Variants in CTTNBP2NL observed in about 807,000 individuals in gnomAD.
The protein encoded by CTTNBP2NL is CTTNBP2 N-terminal-like protein.
CTTNBP2NL carries 16 observed loss-of-function variants against 32.5 expected under a neutral mutation model. The ratio of observed to expected loss-of-function variants is 0.49; its 90% CI spans 0.33 to 0.75. The LOEUF (loss-of-function observed/expected upper bound fraction) is 0.75. CTTNBP2NL is among the 30% of genes least tolerant of loss of function. The pLI is 0.02. For missense variants in CTTNBP2NL, 645 were observed against 756.0 expected (o/e 0.85, Z 1.72); for synonymous variants, 298 against 289.4 (o/e 1.03, Z -0.30).
In CTTNBP2NL at chr1:112,457,490, A is replaced by G. The variant is rs1650407993; in HGVS notation, c.*78A>G. ...CTCAGTCAGACTTCTGAGTCAGATT[A>G]TGTTATTTATTTTGATAGTAGCTGA... On this transcript the variant is annotated 3_prime_UTR_variant, in exon 6 of 6. Coordinates refer to ENST00000271277, the MANE Select transcript of CTTNBP2NL (RefSeq NM_018704.3). The G allele has an allele frequency of 3.2e-6, 4 of 1,248,760 alleles. No individual in the cohort carries two copies. Among genetic ancestry groups the G allele is most frequent in the Admixed American group, 2.2e-5 (1 of 44,774 alleles). The allele number at this position is 1,248,760 out of a possible 1,614,324, so 77.4% of individuals were successfully genotyped here. A position where few individuals can be genotyped will look rare whatever the true frequency, so the allele number is the denominator to read the frequency against.
At chr1:112,426,623 T>G (rs1649409877) in intron 3 of CTTNBP2NL, among the ~76,000 whole-genome samples, 1 of 151,270 alleles carries the variant, frequency 6.6e-6, no homozygotes, top group South Asian at 2.1e-4. Flanking sequence ...TTTTTTTTTT[T>G]TTGAGACGGA....
At chr1:112,407,507 A>G (rs561657646) in intron 1 of CTTNBP2NL, among the ~76,000 whole-genome samples, 1 of 152,244 alleles carries the variant, frequency 6.6e-6, no homozygotes, top group Non-Finnish European at 1.5e-5. Flanking sequence ...AACACCAGTC[A>G]TATTGGATTA....
At chr1:112,415,873 T>G in intron 2 of CTTNBP2NL, 1 of 324,212 alleles carries the variant, frequency 3.1e-6, no homozygotes, top group Non-Finnish European at 5.7e-6. Context: ...TAATTCTTTC[T>G]GAGATTTCCT....
chr1:112,392,762 G>A (rs1360699657), upstream of CTTNBP2NL, among the ~76,000 whole-genome samples: 1 of 152,140 alleles, frequency 6.6e-6, no homozygotes, highest in African/African-American at 2.4e-5. Context: ...AATGATCACT[G>A]GGAACCACCA....
chr1:112,397,387 C>G (rs1406455946), intron 1 of CTTNBP2NL, among the ~76,000 whole-genome samples: 2 of 152,200 alleles, frequency 1.3e-5, no homozygotes, highest in East Asian at 3.9e-4. Context: ...TAATCTAGTC[C>G]TATGTCCTTT....
chr1:112,393,600 C>G (rs751244916), upstream of CTTNBP2NL, among the ~76,000 whole-genome samples: 1 of 152,200 alleles, frequency 6.6e-6, no homozygotes, highest in Non-Finnish European at 1.5e-5. Context: ...ACCTCCATAA[C>G]TCTCTCACTG....
At chr1:112,433,541 AAGATTGTGCCACTGC>A (rs767103563) in intron 3 of CTTNBP2NL, among the ~76,000 whole-genome samples, 8 of 152,192 alleles carry the variant, frequency 5.3e-5, no homozygotes, top group Non-Finnish European at 1.0e-4. Context: ...GCAGTGAGCC[AAGATTGTGCCACTGC>A]ACTGCAGCTC....
At chr1:112,435,231 T>C (rs1027827369) in intron 3 of CTTNBP2NL, among the ~76,000 whole-genome samples, 69 of 152,056 alleles carry the variant, frequency 4.5e-4, no homozygotes, top group African/African-American at 1.6e-3. Context: ...TTCTGTTGTC[T>C]ACGCTAGATT....
At chr1:112,393,955 C>T (rs886496181), upstream of CTTNBP2NL, among the ~76,000 whole-genome samples, 2 of 152,114 alleles carry the variant, frequency 1.3e-5, no homozygotes, top group Non-Finnish European at 2.9e-5. Flanking sequence ...GCCTGTCATC[C>T]CAGCCACTTT....
Position 112,442,389 on chromosome 1 carries a change from T to G in CTTNBP2NL, c.100-6553T>G. ...CTTCCCGCCTCGGCCAAAAATAAAT[T>G]ATTTTTAAATTATACTTTAAAATTC... On this transcript the variant is annotated intron_variant, in intron 3 of 5. Coordinates refer to ENST00000271277, the MANE Select transcript of CTTNBP2NL (RefSeq NM_018704.3). Among the ~76,000 whole-genome samples, 3 of 152,320 alleles carry G rather than the reference T, an allele frequency of 2.0e-5. 1 individual carries two copies.
upstream of CTTNBP2NL, among the ~76,000 whole-genome samples, chr1:112,395,706 ACGCCC>A (rs1648296973): frequency 6.6e-6 from 1 of 150,574 alleles, no homozygotes. Context: ...TTCCAGCACC[ACGCCC>A]ACAGGCGCTT....
At chr1:112,406,344 A>G (rs1648665500) in intron 1 of CTTNBP2NL, among the ~76,000 whole-genome samples, 1 of 152,204 alleles carries the variant, frequency 6.6e-6, no homozygotes, top group Non-Finnish European at 1.5e-5. Context: ...TTTTTCCACC[A>G]TACAATTCCT....
intron 2 of CTTNBP2NL, 77 bp from the exon 3 acceptor site, chr1:112,416,080 T>G (rs929154459): frequency 3.8e-6 from 3 of 782,556 alleles, no homozygotes; most frequent in Non-Finnish European, 6.6e-6. Context: ...TGCTCTTATC[T>G]CTCACTTTAT....
At chr1:112,400,965 CCAAAAAAAAAAAA>C (rs1443713449) in intron 1 of CTTNBP2NL, among the ~76,000 whole-genome samples, 1 of 89,648 alleles carries the variant, frequency 1.1e-5, no homozygotes, top group Admixed American at 1.2e-4. Context: ...GACTCTGTCA[CCAAAAAAAAAAAA>C]AAAAAAAAAA....
intron 3 of CTTNBP2NL, among the ~76,000 whole-genome samples, chr1:112,418,496 G>A (rs990162563): frequency 6.6e-6 from 1 of 151,956 alleles, no homozygotes; most frequent in Non-Finnish European, 1.5e-5. Flanking sequence ...TGTTATGGAG[G>A]GGACCTATAC....
rs769847085 is a variant in CTTNBP2NL at position 112,449,845 on chromosome 1, A to AGT, written c.330+686_330+687dup. Among the ~76,000 whole-genome samples the AGT allele has an allele frequency of 2.6e-4, 39 of 151,418 alleles. No homozygotes were observed. The Middle Eastern group carries it at 0.01, about 40-fold the overall frequency. ...AAGCTGTTCTACCCTATTAGTAAAG[A>AGT]GTGTGTGTGTGTGTTTCCATTTCTA... On this transcript the variant is annotated intron_variant, in intron 4 of 5. Coordinates refer to ENST00000271277, the MANE Select transcript of CTTNBP2NL (RefSeq NM_018704.3).
At chr1:112,413,277 A>C (rs1197364163) in intron 2 of CTTNBP2NL, among the ~76,000 whole-genome samples, 1 of 152,240 alleles carries the variant, frequency 6.6e-6, no homozygotes, top group African/African-American at 2.4e-5. Flanking sequence ...AACTAGAACC[A>C]AGAAGGACTT....
At chr1:112,443,541 G>A (rs533736416) in intron 3 of CTTNBP2NL, among the ~76,000 whole-genome samples, 1 of 152,006 alleles carries the variant, frequency 6.6e-6, no homozygotes, top group Non-Finnish European at 1.5e-5. Flanking sequence ...TAGAGATGGG[G>A]TTGCACCACA....
At position 112,430,623 on chromosome 1, in the gene CTTNBP2NL, G is replaced by A. The variant is rs141443653; in HGVS notation, c.99+14359G>A. 2.9e-3 allele frequency among the ~76,000 whole-genome samples: 424 copies of A among 144,260 alleles called. 1 individual carries two copies. The highest frequency in any genetic ancestry group is 0.01 in the African/African-American group (388 of 38,004). 94.6% of individuals were successfully genotyped at this position (144,260 alleles called of 152,430 possible). A position where few individuals can be genotyped will look rare whatever the true frequency, so the allele number is the denominator to read the frequency against. Reference sequence around the variant, plus strand: ...GCTTGGAGTGCAGTGACGTGATCTCGGCTCACTGCAACCCCTTCCTCCTGG... The same window carrying A: ...GCTTGGAGTGCAGTGACGTGATCTCAGCTCACTGCAACCCCTTCCTCCTGG... On this transcript the variant is annotated intron_variant, in intron 3 of 5. Coordinates refer to ENST00000271277, the MANE Select transcript of CTTNBP2NL (RefSeq NM_018704.3).
Sources: allele counts gnomAD v4.1 joint callset (sites outside exome capture counted in the v4.1 genomes callset), GRCh38; gene constraint gnomAD v4.1.1; transcripts MANE v1.5; gene names NCBI Gene and HGNC (gene_info 2026-07-23, HGNC 2026-07-21).